DOP1A: variants seen among roughly 807,000 people sequenced by gnomAD.
DOP1A encodes the protein DOP1 leucine zipper like protein A.
A neutral mutation model predicts 267.6 loss-of-function variants in DOP1A; 90 were observed. The observed-to-expected ratio is 0.34, with a 90% confidence interval of 0.28 to 0.40. The LOEUF (loss-of-function observed/expected upper bound fraction) is 0.40. Ranked by LOEUF, DOP1A falls within the 10% of genes least tolerant of loss-of-function variation. DOP1A has a pLI of 1.00. For missense variants in DOP1A, 2,437 were observed against 2,900.4 expected (o/e 0.84, Z 3.67); for synonymous variants, 932 against 999.1 (o/e 0.93, Z 1.27).
chr6:83,079,055 C>G (rs1019237402), intron 1 of DOP1A, among the ~76,000 whole-genome samples: 4 of 152,132 alleles, frequency 2.6e-5, no homozygotes, highest in African/African-American at 9.7e-5. Context: ...AACATTAATT[C>G]TAGTTTACTT....
At chr6:83,108,852 GAATT>G in intron 4 of DOP1A, 54 bp from the exon 5 acceptor site, 1 of 1,461,620 alleles carries the variant, frequency 6.8e-7, no homozygotes, top group Non-Finnish European at 9.3e-7. Context: ...AATTGCATAT[GAATT>G]AATATTGTAT....
At chr6:83,069,310 C>G (rs1276771393) in intron 1 of DOP1A, among the ~76,000 whole-genome samples, 1 of 152,134 alleles carries the variant, frequency 6.6e-6, no homozygotes, top group African/African-American at 2.4e-5. Flanking sequence ...TGGGAGCACA[C>G]TAGGTTAAAC....
At chr6:83,132,642 A>T (rs1443431292) in intron 18 of DOP1A, among the ~76,000 whole-genome samples, 2 of 152,172 alleles carry the variant, frequency 1.3e-5, no homozygotes, top group African/African-American at 4.8e-5. Context: ...GGGTCATTTA[A>T]AGAGGAACCA....
In DOP1A at chr6:83,138,713, A is replaced by G; in HGVS notation, c.4671A>G (p.Glu1557=). The G allele has an allele frequency of 6.2e-7, 1 of 1,614,088 alleles. No individual in the cohort carries two copies. Among genetic ancestry groups the G allele is most frequent in the Non-Finnish European group, 8.5e-7 (1 of 1,179,962 alleles). The change falls in exon 21 of 39, where the codon GAA becomes GAG. Residue 1557 remains glutamate (E), a synonymous_variant. Coordinates refer to ENST00000349129, the MANE Select transcript of DOP1A (RefSeq NM_015018.4). Reference sequence around the variant, plus strand: ...GTAAGAACCTGGTTGCTGTGGAAGAAGGTTTCTCAGAGGACAGCCTTATTA... The same window carrying G: ...GTAAGAACCTGGTTGCTGTGGAAGAGGGTTTCTCAGAGGACAGCCTTATTA... ...MAGKNLVAVE[E]GFSEDSLINF...
intron 1 of DOP1A, among the ~76,000 whole-genome samples, chr6:83,068,078 C>T (rs922701326): frequency 6.6e-6 from 1 of 152,186 alleles, no homozygotes; most frequent in Non-Finnish European, 1.5e-5. Flanking sequence ...GCCGGGGAGC[C>T]GGGGACAGGT....
chr6:83,153,431 C>T, intron 30 of DOP1A, 80 bp from the exon 31 acceptor site: 1 of 864,148 alleles, frequency 1.2e-6, no homozygotes, highest in Non-Finnish European at 1.7e-6. Flanking sequence ...TCTAGGTTTT[C>T]TAACAAACTG....
In DOP1A at chr6:83,132,299, A is replaced by C. The variant is rs767198004; in HGVS notation, c.2740A>C (p.Ile914Leu). Reference protein sequence around the residue: ...VPSSSICEDVISQQLTHKDKK... With the variant: ...VPSSSICEDVLSQQLTHKDKK... Reference sequence around the variant, plus strand: ...TTCTTCTAGCATCTGTGAGGATGTTATAAGTCAGCAGTTAACCCATAAAGA... The same window carrying C: ...TTCTTCTAGCATCTGTGAGGATGTTCTAAGTCAGCAGTTAACCCATAAAGA... The change falls in exon 18 of 39, where the codon ATA becomes CTA. Residue 914 changes from isoleucine (I) to leucine (L), a missense_variant. By Grantham distance (5) the Ile-to-Leu change is conservative. This residue lies in a region of DOP1A where 878 missense variants were observed against 992.9 expected (regional missense o/e 0.88). Coordinates refer to ENST00000349129, the MANE Select transcript of DOP1A (RefSeq NM_015018.4). The C allele has an allele frequency of 1.2e-6, 2 of 1,612,680 alleles. No homozygotes were observed. The highest frequency in any genetic ancestry group is 1.7e-6 in the Non-Finnish European group (2 of 1,179,376).
chr6:83,138,899 C>T lies in DOP1A; in HGVS notation c.4857C>T (p.Pro1619=). ...FVVSDLEHIS[P]HQPMTSLQYL... is the part of the protein sequence containing the mutation. ...TATCTGACTTAGAACACATCAGTCC[C>T]CATCAACCCATGACTTCTCTTCAGT... The change falls in exon 21 of 39, where the codon CCC becomes CCT. Residue 1619 remains proline, a synonymous_variant. Coordinates refer to ENST00000349129, the MANE Select transcript of DOP1A (RefSeq NM_015018.4). The T allele has an allele frequency of 6.2e-7, 1 of 1,614,014 alleles. No individual in the cohort carries two copies.
At chr6:83,164,809 A>C (rs1785069285) in intron 38 of DOP1A, 1 of 1,037,274 alleles carries the variant, frequency 9.6e-7, no homozygotes. Context: ...AACAAGTACA[A>C]GGGAGGTAAA....
rs190749780 is a variant in DOP1A at position 83,117,547 on chromosome 6, A to G, written c.781-1341A>G. 1.2e-3 allele frequency among the ~76,000 whole-genome samples: 189 copies of G among 152,326 alleles called. 1 individual carries two copies. Among genetic ancestry groups the G allele is most frequent in the African/African-American group, 4.1e-3 (171 of 41,566 alleles). On this transcript the variant is annotated intron_variant, in intron 7 of 38. Transcript: ENST00000349129. ...ATACTTATTTTTTGATTTTACTGCAAGTACATGGCTGTGAAAATATAATGA... is the reference window on the plus strand; with the variant it reads ...ATACTTATTTTTTGATTTTACTGCAGGTACATGGCTGTGAAAATATAATGA...
At chr6:83,150,363 C>T (rs981148839) in intron 27 of DOP1A, among the ~76,000 whole-genome samples, 1 of 148,366 alleles carries the variant, frequency 6.7e-6, no homozygotes, top group Non-Finnish European at 1.5e-5. Flanking sequence ...AAATTAAGTT[C>T]ATTTGTTGTG....
At chr6:83,074,485 C>G (rs1044499844) in intron 1 of DOP1A, among the ~76,000 whole-genome samples, 2 of 152,008 alleles carry the variant, frequency 1.3e-5, no homozygotes, top group African/African-American at 4.8e-5. Flanking sequence ...GACTTTATGA[C>G]TTTTCAACTT....
chr6:83,068,559 A>C (rs917127355), intron 1 of DOP1A, among the ~76,000 whole-genome samples: 2 of 152,234 alleles, frequency 1.3e-5, no homozygotes, highest in South Asian at 4.1e-4. Flanking sequence ...CAGCTAAAGC[A>C]GTCAAAAAAA....
Position 83,135,895 on chromosome 6 carries a change from A to C in DOP1A, c.3130+17A>C, listed in dbSNP as rs201668726. The C allele has an allele frequency of 1.7e-3, 2,710 of 1,610,448 alleles. 5 individuals carry two copies. Among genetic ancestry groups the C allele is most frequent in the Non-Finnish European group, 2.2e-3 (2,553 of 1,177,856 alleles). On this transcript the variant is annotated intron_variant, in intron 20 of 38. Coordinates refer to ENST00000349129, the MANE Select transcript of DOP1A (RefSeq NM_015018.4). ...GCAGCAATGGTGAATAACACATAGAAGTAGACAGCTTTATTTAGAATTATT... is the reference window on the plus strand; with the variant it reads ...GCAGCAATGGTGAATAACACATAGACGTAGACAGCTTTATTTAGAATTATT...
chr6:83,145,777 A>C (rs73749715), intron 25 of DOP1A, 119 bp downstream of exon 25: 1 of 903,910 alleles, frequency 1.1e-6, no homozygotes, highest in Admixed American at 2.7e-5. Context: ...AGATGACTGC[A>C]TGTGGCCCTC....
intron 1 of DOP1A, among the ~76,000 whole-genome samples, chr6:83,086,200 A>C (rs1476158352): frequency 1.3e-5 from 2 of 152,218 alleles, no homozygotes; most frequent in Non-Finnish European, 2.9e-5. Context: ...CCTACTATAG[A>C]CTGGAAGCCT....
At chr6:83,149,709 T>C (rs192339736) in intron 27 of DOP1A, among the ~76,000 whole-genome samples, 1 of 152,244 alleles carries the variant, frequency 6.6e-6, no homozygotes, top group East Asian at 1.9e-4. Flanking sequence ...CTAGGAATTC[T>C]ATTTCAAGTG....
At chr6:83,158,444 T>C in intron 35 of DOP1A, 123 bp from the exon 36 acceptor site, 1 of 793,966 alleles carries the variant, frequency 1.3e-6, no homozygotes. Context: ...TAAGTATAAT[T>C]TAAAAGATTC....
chr6:83,082,441 A>G (rs758194408), intron 1 of DOP1A, among the ~76,000 whole-genome samples: 62 of 152,224 alleles, frequency 4.1e-4, no homozygotes, highest in Non-Finnish European at 7.5e-4. Context: ...ATCTCACCCA[A>G]TATGTAAAAC....
Sources: gnomAD v4.1 joint callset for allele counts (sites outside exome capture counted in the v4.1 genomes callset) on GRCh38, gnomAD v4.1.1 for gene constraint, gnomAD v4.1.1 regional missense constraint, MANE v1.5 for transcripts, NCBI Gene and HGNC (gene_info 2026-07-23, HGNC 2026-07-21) for gene names.